ADAM22: variants seen among roughly 807,000 people sequenced by gnomAD.
ADAM22 encodes disintegrin and metalloproteinase domain-containing protein 22.
In ADAM22, 65 loss-of-function variants were observed where a neutral mutation model predicts 144.6. That is an observed-to-expected ratio of 0.45 (90% CI 0.37 to 0.55). The LOEUF (loss-of-function observed/expected upper bound fraction) is 0.55. Ranked by LOEUF, ADAM22 falls within the 20% of genes least tolerant of loss-of-function variation. The pLI, the probability that ADAM22 is intolerant of heterozygous loss-of-function variation, is 0.00. For missense variants in ADAM22, 974 were observed against 1,184.9 expected (o/e 0.82, Z 2.61); for synonymous variants, 391 against 412.6 (o/e 0.95, Z 0.63).
At chr7:87,984,838 G>A (rs532146008) in intron 3 of ADAM22, among the ~76,000 whole-genome samples, 1 of 151,922 alleles carries the variant, frequency 6.6e-6, no homozygotes, top group African/African-American at 2.4e-5. Flanking sequence ...GCACCACCAC[G>A]CCCAGCTAAT....
intron 3 of ADAM22, among the ~76,000 whole-genome samples, chr7:87,994,327 A>ATTTTTTTTT (rs1790596459): frequency 6.6e-6 from 1 of 151,912 alleles, no homozygotes; most frequent in Non-Finnish European, 1.5e-5. Context: ...CGCCCGGCTA[A>ATTTTTTTTT]TTTTTTATAT....
chr7:88,194,861 C>T (rs940191199), intron 31 of ADAM22, among the ~76,000 whole-genome samples: 1 of 152,156 alleles, frequency 6.6e-6, no homozygotes, highest in Admixed American at 6.5e-5. Context: ...TCACGAAGAT[C>T]CTCACAGTTC....
chr7:88,188,005 C>G (rs1346121051), intron 30 of ADAM22, among the ~76,000 whole-genome samples: 5 of 151,814 alleles, frequency 3.3e-5, no homozygotes, highest in Admixed American at 3.3e-4. Flanking sequence ...TTCAAACATC[C>G]CACCCTCATC....
chr7:88,102,617 C>T (rs992086438), intron 4 of ADAM22, among the ~76,000 whole-genome samples: 3 of 152,144 alleles, frequency 2.0e-5, no homozygotes, highest in Admixed American at 1.3e-4. Flanking sequence ...AAGAAAAACA[C>T]GGAGTATTTG....
rs181124575 is a variant in ADAM22 at position 88,164,280 on chromosome 7, C to T, written c.2076+1100C>T. 6.5e-4 allele frequency among the ~76,000 whole-genome samples: 99 copies of T among 152,040 alleles called. 1 individual carries two copies. In the Middle Eastern group the frequency reaches 0.017, roughly 26 times the overall value. On this transcript the variant is annotated intron_variant, in intron 23 of 31. Transcript: ENST00000413139. The stretch of plus-strand genomic sequence containing the variant: ...GATTCTGAAACAAAACACAAGAGAC[C>T]AAACATAGTTGTGCTTGGTAAACAT...
chr7:88,044,841 T>A (rs568156552), intron 3 of ADAM22, among the ~76,000 whole-genome samples: 2 of 152,196 alleles, frequency 1.3e-5, no homozygotes, highest in East Asian at 3.9e-4. Flanking sequence ...TTCTCCTGCC[T>A]CAGCCTCCCA....
intron 2 of ADAM22, among the ~76,000 whole-genome samples, chr7:87,973,579 C>T (rs1348690081): frequency 4.6e-5 from 7 of 152,090 alleles, no homozygotes; most frequent in Non-Finnish European, 8.8e-5. Context: ...CCAGCCATCC[C>T]ATTACTGGGT....
At chr7:88,163,490 A>G (rs1842249632) in intron 23 of ADAM22, among the ~76,000 whole-genome samples, 1 of 152,018 alleles carries the variant, frequency 6.6e-6, no homozygotes, top group African/African-American at 2.4e-5. Context: ...AACAAACTAT[A>G]ATGGGATTTT....
intron 4 of ADAM22, among the ~76,000 whole-genome samples, chr7:88,082,389 A>G (rs1816979777): frequency 1.3e-5 from 2 of 152,214 alleles, no homozygotes; most frequent in Admixed American, 1.3e-4. Context: ...AAACCCTAGA[A>G]GAAAACCTAG....
chr7:88,116,713 A>C, intron 6 of ADAM22, 32 bp from the exon 7 acceptor site: 2 of 1,569,546 alleles, frequency 1.3e-6, no homozygotes, highest in Non-Finnish European at 1.8e-6. Flanking sequence ...CCTGTTGTAC[A>C]TGCTTAATCA....
At chr7:88,148,940 C>T in intron 17 of ADAM22, 37 bp from the exon 18 acceptor site, 3 of 1,484,950 alleles carry the variant, frequency 2.0e-6, no homozygotes, top group Admixed American at 3.9e-5. Context: ...TTTTTTTTCT[C>T]CCTACAGTTT....
At chr7:88,111,838 A>G (rs1249662687) in intron 5 of ADAM22, among the ~76,000 whole-genome samples, 2 of 152,200 alleles carry the variant, frequency 1.3e-5, no homozygotes, top group Non-Finnish European at 2.9e-5. Context: ...ATATTATCAT[A>G]TAGCAATCTA....
chr7:88,144,566 T>C (rs542404661), intron 15 of ADAM22, among the ~76,000 whole-genome samples: 2 of 152,312 alleles, frequency 1.3e-5, no homozygotes, highest in South Asian at 4.1e-4. Flanking sequence ...AATAGTTTCC[T>C]GTATCAGAAG....
At chr7:88,007,357 CA>C (rs1383383314) in intron 3 of ADAM22, among the ~76,000 whole-genome samples, 2 of 152,188 alleles carry the variant, frequency 1.3e-5, no homozygotes, top group African/African-American at 4.8e-5. Flanking sequence ...CCATCCCCAT[CA>C]AGCTACCAAT....
chr7:88,001,559 A>G (rs1319517269), intron 3 of ADAM22, among the ~76,000 whole-genome samples: 9 of 152,064 alleles, frequency 5.9e-5, no homozygotes, highest in Admixed American at 5.9e-4. Flanking sequence ...CTGGTATATC[A>G]TTGTCTCTTG....
Position 88,186,721 on chromosome 7 carries a change from T to A in ADAM22, c.2750+20T>A. On this transcript the variant is annotated intron_variant, in intron 30 of 31. Coordinates refer to ENST00000413139, the MANE Select transcript of ADAM22 (RefSeq NM_001324418.2). Reference sequence around the variant, plus strand: ...CTTTAGGTATTTTATAAATTAATTTTTATATCCTTCTCAAACTCTCCCAGC... The same window carrying A: ...CTTTAGGTATTTTATAAATTAATTTATATATCCTTCTCAAACTCTCCCAGC... 6.9e-7 allele frequency: 1 copy of A among 1,453,900 alleles called. No homozygotes were observed. Among genetic ancestry groups the A allele is most frequent in the Non-Finnish European group, 9.6e-7 (1 of 1,037,214 alleles). 90.1% of individuals were successfully genotyped at this position (1,453,900 alleles called of 1,614,324 possible).
intron 3 of ADAM22, among the ~76,000 whole-genome samples, chr7:88,016,925 C>T (rs1348283904): frequency 6.6e-6 from 1 of 152,084 alleles, no homozygotes; most frequent in Admixed American, 6.5e-5. Flanking sequence ...CAACACCAGC[C>T]TGGGCGTTAT....
chr7:88,193,061 T>C (rs1563440899), intron 30 of ADAM22, 55 bp from the exon 31 acceptor site: 1 of 1,608,298 alleles, frequency 6.2e-7, no homozygotes, highest in Non-Finnish European at 8.5e-7. Flanking sequence ...TTTTCAGATA[T>C]TTGAAAAATG....
chr7:87,951,908 G>A (rs1017101856), intron 2 of ADAM22, among the ~76,000 whole-genome samples: 2 of 145,960 alleles, frequency 1.4e-5, no homozygotes, highest in Middle Eastern at 3.5e-3. Flanking sequence ...AAGCAACTGT[G>A]AATGGTAGTT....
Sources: allele counts gnomAD v4.1 joint callset (sites outside exome capture counted in the v4.1 genomes callset), GRCh38; gene constraint gnomAD v4.1.1; transcripts MANE v1.5; gene names NCBI Gene and HGNC (gene_info 2026-07-23, HGNC 2026-07-21).